Variants in ROBO2 observed in about 807,000 individuals in gnomAD.
ROBO2 encodes roundabout guidance receptor 2.
ROBO2 carries 53 observed loss-of-function variants against 160.8 expected under a neutral mutation model. That is an observed-to-expected ratio of 0.33 (90% CI 0.26 to 0.41). The LOEUF (loss-of-function observed/expected upper bound fraction) is 0.41. ROBO2 is among the 10% of genes least tolerant of loss of function. The probability of loss-of-function intolerance (pLI) is 1.00; values close to 1 mark genes in which losing one functional copy is unlikely to be tolerated. For missense variants in ROBO2, 1,577 were observed against 1,722.4 expected, an observed-to-expected ratio of 0.92 and a Z score of 1.49; for synonymous variants, 664 against 611.7, an observed-to-expected ratio of 1.09 and a Z score of -1.26.
At chr3:77,216,417 C>T (rs148285925) in intron 2 of ROBO2, among the ~76,000 whole-genome samples, 2 of 152,320 alleles carry the variant, frequency 1.3e-5, no homozygotes, top group Non-Finnish European at 2.9e-5. Context: ...TTACTAAGAC[C>T]ATTGGAAAAA....
At chr3:77,277,680 C>T (rs955636563) in intron 2 of ROBO2, among the ~76,000 whole-genome samples, 17 of 152,160 alleles carry the variant, frequency 1.1e-4, no homozygotes, top group African/African-American at 3.9e-4. Context: ...ATATGTACCA[C>T]ATTTTCTTTA....
chr3:77,563,050 T>C (rs1008623827), intron 10 of ROBO2, 117 bp from the exon 12 acceptor site: 6 of 890,666 alleles, frequency 6.7e-6, no homozygotes, highest in Non-Finnish European at 1.1e-5. Context: ...TTCTGATTCA[T>C]GGAGATGAAT....
At chr3:77,195,192 A>T (rs187189146) in intron 2 of ROBO2, among the ~76,000 whole-genome samples, 1 of 152,206 alleles carries the variant, frequency 6.6e-6, no homozygotes, top group East Asian at 1.9e-4. Context: ...TCCCCGTTAA[A>T]TTTGCCATAT....
At chr3:76,335,525 A>G (rs1477239207) in intron 2 of ROBO2, among the ~76,000 whole-genome samples, 4 of 151,382 alleles carry the variant, frequency 2.6e-5, no homozygotes, top group Non-Finnish European at 4.4e-5. Flanking sequence ...ATTAATTTAC[A>G]TGCTGGTTTT....
At chr3:76,150,446 A>G (rs1321971866) in intron 2 of ROBO2, among the ~76,000 whole-genome samples, 1 of 126,614 alleles carries the variant, frequency 7.9e-6, no homozygotes. Flanking sequence ...CATCTGTCTA[A>G]AGCACACATC....
At chr3:76,374,917 G>A (rs138917305) in intron 2 of ROBO2, among the ~76,000 whole-genome samples, 117 of 150,820 alleles carry the variant, frequency 7.8e-4, no homozygotes, top group African/African-American at 2.7e-3. Flanking sequence ...TTTTATCAGT[G>A]TGACTATCGT....
At chr3:76,714,194 TAC>T (rs1317293989) in intron 2 of ROBO2, among the ~76,000 whole-genome samples, 8 of 152,158 alleles carry the variant, frequency 5.3e-5, no homozygotes, top group Non-Finnish European at 1.2e-4. Flanking sequence ...GTGCAGCGTA[TAC>T]ATTTTCCTTT....
chr3:76,865,189 A>C (rs535539935), intron 2 of ROBO2, among the ~76,000 whole-genome samples: 1 of 151,974 alleles, frequency 6.6e-6, no homozygotes, highest in Non-Finnish European at 1.5e-5. Flanking sequence ...TTGCTTCTCA[A>C]ATTATCATTG....
chr3:76,084,152 T>C (rs894937350), intron 2 of ROBO2, among the ~76,000 whole-genome samples: 1 of 152,104 alleles, frequency 6.6e-6, no homozygotes, highest in African/African-American at 2.4e-5. Flanking sequence ...GTTGTAATCA[T>C]AAAAGCAAAC....
chr3:75,924,167 T>C (rs971683642), intron 1 of ROBO2, among the ~76,000 whole-genome samples: 1 of 152,216 alleles, frequency 6.6e-6, no homozygotes, highest in Non-Finnish European at 1.5e-5. Flanking sequence ...GATGACCTTT[T>C]GAATATGTTG....
chr3:76,398,564 A>G (rs1009206802), intron 2 of ROBO2, among the ~76,000 whole-genome samples: 5 of 151,812 alleles, frequency 3.3e-5, no homozygotes, highest in Non-Finnish European at 5.9e-5. Flanking sequence ...AACCTTACCA[A>G]TTCAATACGT....
At chr3:76,982,375 A>G (rs908807974) in intron 2 of ROBO2, among the ~76,000 whole-genome samples, 2 of 152,202 alleles carry the variant, frequency 1.3e-5, no homozygotes, top group African/African-American at 4.8e-5. Flanking sequence ...TTGAAAATCA[A>G]TTGACTGCGA....
intron 2 of ROBO2, among the ~76,000 whole-genome samples, chr3:77,265,586 T>C (rs1251297958): frequency 1.3e-5 from 2 of 152,194 alleles, no homozygotes; most frequent in Non-Finnish European, 2.9e-5. Flanking sequence ...TCAATCTCAA[T>C]ATGATGTTAA....
chr3:77,434,298 C>T (rs1581912041), intron 2 of ROBO2, among the ~76,000 whole-genome samples: 1 of 151,972 alleles, frequency 6.6e-6, no homozygotes, highest in Non-Finnish European at 1.5e-5. Flanking sequence ...TAAGAATGAT[C>T]AGACTAGGTG....
At chr3:77,575,552 A>G (rs1429391381) in intron 14 of ROBO2, among the ~76,000 whole-genome samples, 1 of 152,052 alleles carries the variant, frequency 6.6e-6, no homozygotes, top group Non-Finnish European at 1.5e-5. Flanking sequence ...TAAATTATAC[A>G]TTTCTTACAC....
At chr3:76,840,428 T>G (rs530151393) in intron 2 of ROBO2, among the ~76,000 whole-genome samples, 1 of 151,142 alleles carries the variant, frequency 6.6e-6, no homozygotes, top group African/African-American at 2.4e-5. Context: ...GCTAACACGG[T>G]GAAACCCCGT....
chr3:76,823,323 T>C (rs146826125), intron 2 of ROBO2, among the ~76,000 whole-genome samples: 18 of 152,288 alleles, frequency 1.2e-4, no homozygotes, highest in African/African-American at 3.6e-4. Flanking sequence ...GAGAGAAGAA[T>C]TCAAAACAGC....
chr3:76,024,997 T>A (rs1234890240), intron 2 of ROBO2, among the ~76,000 whole-genome samples: 2 of 150,640 alleles, frequency 1.3e-5, no homozygotes, highest in Non-Finnish European at 3.0e-5. Flanking sequence ...AATTCTTTAT[T>A]TGGCATATTT....
chr3:77,052,858 A>G lies in ROBO2; in HGVS notation c.61+12012A>G, dbSNP rs906407866. The stretch of plus-strand genomic sequence containing the variant: ...GTTTGATAAAAGAACTAATTGCAAT[A>G]CTCTTGAGAGTTTACAGAAGCAGCT... On this transcript the variant is annotated intron_variant, in intron 1 of 25. Coordinates refer to ENST00000461745, the Ensembl canonical transcript of ROBO2. Among the ~76,000 whole-genome samples the G allele has an allele frequency of 2.0e-5, 3 of 152,266 alleles. No homozygotes were observed. In the South Asian group the frequency reaches 6.2e-4, roughly 32 times the overall value.
Sources: gnomAD v4.1 joint callset for allele counts (sites outside exome capture counted in the v4.1 genomes callset) on GRCh38, gnomAD v4.1.1 for gene constraint, MANE v1.5 for transcripts, NCBI Gene and HGNC (gene_info 2026-07-23, HGNC 2026-07-21) for gene names.